Variants in MECOM observed in about 807,000 individuals in gnomAD.
MECOM encodes histone-lysine N-methyltransferase MECOM.
MECOM carries 13 observed loss-of-function variants against 116.3 expected under a neutral mutation model. The ratio of observed to expected loss-of-function variants is 0.11; its 90% CI spans 0.07 to 0.18. The LOEUF is 0.18. MECOM is among the 10% of genes least tolerant of loss of function. MECOM has a pLI of 1.00. For synonymous variants in MECOM, 528 were observed against 535.2 expected (o/e 0.99, Z 0.19); for missense variants, 1,299 against 1,509.0 (o/e 0.86, Z 2.31).
At chr3:169,142,138 G>A (rs1309291387) in intron 3 of MECOM, among the ~76,000 whole-genome samples, 2 of 151,908 alleles carry the variant, frequency 1.3e-5, no homozygotes, top group South Asian at 2.1e-4. Flanking sequence ...TTCCCAATAC[G>A]AGTACATTTA....
chr3:169,415,546 C>T (rs1285962501), intron 1 of MECOM, among the ~76,000 whole-genome samples: 15 of 152,064 alleles, frequency 9.9e-5, no homozygotes, highest in Non-Finnish European at 1.6e-4. Flanking sequence ...ACCTTAAATG[C>T]AAACGGGCTA....
chr3:169,207,878 TCCC>T (rs1750161240), intron 2 of MECOM, among the ~76,000 whole-genome samples: 1 of 152,056 alleles, frequency 6.6e-6, no homozygotes, highest in South Asian at 2.1e-4. Flanking sequence ...CAGCTCTTGT[TCCC>T]CCACCACCCA....
At chr3:169,145,713 G>A (rs1424419466) in intron 2 of MECOM, 2 of 221,304 alleles carry the variant, frequency 9.0e-6, no homozygotes, top group East Asian at 6.6e-5. Flanking sequence ...TAGCTTTCAA[G>A]CATACCCTTT....
rs1721054469 is a variant in MECOM at position 169,095,064 on chromosome 3, T to C, written c.3019+12A>G. The C allele has an allele frequency of 2.6e-6, 4 of 1,556,930 alleles. No homozygotes were observed. The highest frequency in any genetic ancestry group is 1.3e-5 in the South Asian group (1 of 77,318). ...AAGTCATCTTTGACTTATAACACAA[T>C]TTATTACGTACCGGACATGTTCCCA... On this transcript the variant is annotated intron_variant, in intron 13 of 16. Coordinates refer to ENST00000651503, the MANE Select transcript of MECOM (RefSeq NM_004991.4).
chr3:169,602,164 TA>T (rs975676833), intron 1 of MECOM, among the ~76,000 whole-genome samples: 3 of 152,168 alleles, frequency 2.0e-5, no homozygotes, highest in African/African-American at 7.2e-5. Context: ...GTGGTTTAAG[TA>T]AAAAAACTTA....
At chr3:169,192,200 CTTAT>C (rs1371452326) in intron 2 of MECOM, among the ~76,000 whole-genome samples, 1 of 151,920 alleles carries the variant, frequency 6.6e-6, no homozygotes, top group Non-Finnish European at 1.5e-5. Context: ...TATTTGCTTT[CTTAT>C]TTATTTCTGT....
intron 1 of MECOM, among the ~76,000 whole-genome samples, chr3:169,473,789 AC>A (rs71634432): frequency 0.36 from 54,971 of 151,702 alleles, 10,484 homozygotes; most frequent in Middle Eastern, 0.46. Flanking sequence ...AAAAACAAAA[AC>A]AAAATACCAG....
chr3:169,150,110 A>T (rs1341118306), intron 2 of MECOM, among the ~76,000 whole-genome samples: 2 of 151,984 alleles, frequency 1.3e-5, no homozygotes, highest in African/African-American at 4.8e-5. Context: ...CACACAACTT[A>T]AAGTTTAAAG....
chr3:169,277,090 C>T (rs1299339719), intron 2 of MECOM, among the ~76,000 whole-genome samples: 1 of 151,906 alleles, frequency 6.6e-6, no homozygotes, highest in African/African-American at 2.4e-5. Context: ...GGCTACTTCC[C>T]CTCTTTTAGA....
intron 2 of MECOM, among the ~76,000 whole-genome samples, chr3:169,153,306 C>G (rs1741447814): frequency 6.6e-6 from 1 of 152,044 alleles, no homozygotes; most frequent in Non-Finnish European, 1.5e-5. Context: ...AAAACTGAGA[C>G]AGTCACAAAA....
chr3:169,238,105 G>A (rs1754323038), intron 2 of MECOM, among the ~76,000 whole-genome samples: 1 of 149,076 alleles, frequency 6.7e-6, no homozygotes, highest in African/African-American at 2.5e-5. Flanking sequence ...AACCCAGGGG[G>A]CAAAGGTTGG....
chr3:169,176,791 T>C (rs908786150), intron 2 of MECOM, among the ~76,000 whole-genome samples: 1 of 151,964 alleles, frequency 6.6e-6, no homozygotes, highest in Non-Finnish European at 1.5e-5. Flanking sequence ...AACAACCCCA[T>C]TAAAAAGTTG....
chr3:169,179,814 A>G (rs560814139), intron 2 of MECOM, among the ~76,000 whole-genome samples: 1 of 152,292 alleles, frequency 6.6e-6, no homozygotes, highest in South Asian at 2.1e-4. Context: ...TATTTCCTTC[A>G]GTCCAGCAGC....
At chr3:169,453,919 AT>A (rs1746023598) in intron 1 of MECOM, among the ~76,000 whole-genome samples, 1 of 151,248 alleles carries the variant, frequency 6.6e-6, no homozygotes, top group Admixed American at 6.6e-5. Flanking sequence ...GCAATGGATA[AT>A]AAAAAAAAAA....
At chr3:169,481,860 C>T (rs558188680) in intron 1 of MECOM, among the ~76,000 whole-genome samples, 13 of 152,314 alleles carry the variant, frequency 8.5e-5, no homozygotes, top group Middle Eastern at 3.4e-3. Context: ...TACAAGTCAT[C>T]ATTTTAATAC....
At chr3:169,486,118 A>C (rs1324078164) in intron 1 of MECOM, among the ~76,000 whole-genome samples, 1 of 146,910 alleles carries the variant, frequency 6.8e-6, no homozygotes, top group Non-Finnish European at 1.5e-5. Context: ...AGAGCCCACT[A>C]ATATAAAATG....
chr3:169,378,573 A>G (rs1731822982), intron 2 of MECOM, among the ~76,000 whole-genome samples: 2 of 113,220 alleles, frequency 1.8e-5, no homozygotes, highest in Admixed American at 1.8e-4. Context: ...AAAGAAAGAA[A>G]GAAAGAAAGA....
intron 1 of MECOM, among the ~76,000 whole-genome samples, chr3:169,427,315 A>G (rs1219734778): frequency 6.6e-6 from 1 of 151,986 alleles, no homozygotes; most frequent in African/African-American, 2.4e-5. Context: ...ATAGCTTTGT[A>G]TTTTGTTAAG....
At chr3:169,151,483 A>T (rs559755242) in intron 2 of MECOM, among the ~76,000 whole-genome samples, 1 of 152,322 alleles carries the variant, frequency 6.6e-6, no homozygotes, top group South Asian at 2.1e-4. Context: ...TCCAAGCCTA[A>T]CATCTTTGTT....
Sources: gnomAD v4.1 joint callset for allele counts (sites outside exome capture counted in the v4.1 genomes callset) on GRCh38, gnomAD v4.1.1 for gene constraint, MANE v1.5 for transcripts, NCBI Gene and HGNC (gene_info 2026-07-23, HGNC 2026-07-21) for gene names.